Variants in VAT1L observed in about 807,000 individuals in gnomAD.
The protein encoded by VAT1L is vesicle amine transport 1 like, also known as putative NADPH-dependent quinone oxidoreductase VAT1L.
In VAT1L, 34 loss-of-function variants were observed where a neutral mutation model predicts 44.1. The observed-to-expected ratio is 0.77, with a 90% confidence interval of 0.59 to 1.03. VAT1L has a LOEUF of 1.03. Ranked by LOEUF, VAT1L falls within the 50% of genes least tolerant of loss-of-function variation. The pLI, the probability that VAT1L is intolerant of heterozygous loss-of-function variation, is 0.00. For missense variants in VAT1L, 615 were observed against 538.8 expected, an observed-to-expected ratio of 1.14 and a Z score of -1.40; for synonymous variants, 253 against 202.2, an observed-to-expected ratio of 1.25 and a Z score of -2.13.
intron 7 of VAT1L, among the ~76,000 whole-genome samples, chr16:77,956,114 A>G (rs2018100915): frequency 6.6e-6 from 1 of 152,194 alleles, no homozygotes; most frequent in Non-Finnish European, 1.5e-5. Flanking sequence ...ATAATGCCTG[A>G]GGGGATGGAT....
intron 7 of VAT1L, among the ~76,000 whole-genome samples, chr16:77,931,401 T>G (rs1271647818): frequency 6.6e-6 from 1 of 152,128 alleles, no homozygotes; most frequent in Non-Finnish European, 1.5e-5. Flanking sequence ...GCAGCCTACA[T>G]AGAAATAACT....
intron 7 of VAT1L, among the ~76,000 whole-genome samples, chr16:77,928,890 C>T (rs1257361378): frequency 6.6e-6 from 1 of 152,064 alleles, no homozygotes; most frequent in African/African-American, 2.4e-5. Flanking sequence ...AATCTCAGCT[C>T]ACTGCAACCT....
At position 77,879,668 on chromosome 16, in the gene VAT1L, C is replaced by T. The variant is rs1041945314; in HGVS notation, c.882+444C>T. On this transcript the variant is annotated intron_variant, in intron 6 of 8. Coordinates refer to ENST00000302536, the MANE Select transcript of VAT1L (RefSeq NM_020927.3). This position sits in a 1 kb window ranked among gnomAD's most constrained non-coding sequence, Gnocchi z 4.1. ...TTTCCCATAAAACCTGCACTCCTGCCCTATTCCCTGCAAATGGTCAGGACC... is the reference window on the plus strand; with the variant it reads ...TTTCCCATAAAACCTGCACTCCTGCTCTATTCCCTGCAAATGGTCAGGACC... Among the ~76,000 whole-genome samples, 2 of 152,170 alleles carry T rather than the reference C, an allele frequency of 1.3e-5. No homozygotes were observed. The highest frequency in any genetic ancestry group is 2.9e-5 in the Non-Finnish European group (2 of 68,042).
chr16:77,809,888 A>G (rs1306484473), intron 1 of VAT1L, among the ~76,000 whole-genome samples: 1 of 152,252 alleles, frequency 6.6e-6, no homozygotes, highest in Non-Finnish European at 1.5e-5. Context: ...CTTAGTAACC[A>G]GGAACGGGGC....
chr16:77,830,130 C>T (rs1028390427), intron 3 of VAT1L, among the ~76,000 whole-genome samples: 2 of 152,032 alleles, frequency 1.3e-5, no homozygotes, highest in South Asian at 4.2e-4. Context: ...CAGCACTCTG[C>T]CCTCCAGCCA....
chr16:77,879,873 T>C lies in VAT1L; in HGVS notation c.882+649T>C, dbSNP rs2017131201. On this transcript the variant is annotated intron_variant, in intron 6 of 8. Transcript: ENST00000302536. This position sits in a 1 kb window ranked among gnomAD's most constrained non-coding sequence, Gnocchi z 4.1. ...CTCCATAGAGCGGCCAGCCTTTCAC[T>C]TTGCTACTTTCTGACCAGGTCTCTG... Among the ~76,000 whole-genome samples, 1 of 152,210 alleles carries C rather than the reference T, an allele frequency of 6.6e-6. No individual in the cohort carries two copies.
intron 8 of VAT1L, among the ~76,000 whole-genome samples, chr16:77,973,375 C>A (rs540573451): frequency 6.6e-6 from 1 of 152,070 alleles, no homozygotes. Context: ...ACCTCCGCCT[C>A]CCGGGTTCAA....
intron 7 of VAT1L, among the ~76,000 whole-genome samples, chr16:77,915,369 A>C (rs897316195): frequency 3.3e-5 from 5 of 152,250 alleles, no homozygotes; most frequent in African/African-American, 4.8e-5. Flanking sequence ...GTCAGTTATT[A>C]AACATTTATC....
chr16:77,791,573 A>G (rs1480142193), intron 1 of VAT1L, among the ~76,000 whole-genome samples: 3 of 152,196 alleles, frequency 2.0e-5, no homozygotes, highest in African/African-American at 7.2e-5. Flanking sequence ...TAGGATTTGA[A>G]TCTAATTCTC....
At chr16:77,975,845 C>G (rs2018334607) in intron 8 of VAT1L, among the ~76,000 whole-genome samples, 1 of 152,218 alleles carries the variant, frequency 6.6e-6, no homozygotes, top group Admixed American at 6.5e-5. Flanking sequence ...GGCCATCTGA[C>G]CAGTGCCCCA....
intron 7 of VAT1L, among the ~76,000 whole-genome samples, chr16:77,950,342 G>C (rs1235598869): frequency 6.6e-6 from 1 of 151,212 alleles, no homozygotes; most frequent in Non-Finnish European, 1.5e-5. Context: ...CTGCAAGGCA[G>C]AGGTTGCAGT....
chr16:77,822,825 A>T (rs1333521207), intron 2 of VAT1L, among the ~76,000 whole-genome samples: 1 of 152,114 alleles, frequency 6.6e-6, no homozygotes, highest in Non-Finnish European at 1.5e-5. Flanking sequence ...GCCCCAGAAG[A>T]CACACTGGGG....
At chr16:77,796,318 C>T (rs2015933271) in intron 1 of VAT1L, among the ~76,000 whole-genome samples, 1 of 152,186 alleles carries the variant, frequency 6.6e-6, no homozygotes, top group Non-Finnish European at 1.5e-5. Flanking sequence ...ACCCACCCTA[C>T]CATCCATCTG....
chr16:77,976,046 A>G (rs1157967141), intron 8 of VAT1L, among the ~76,000 whole-genome samples: 1 of 152,222 alleles, frequency 6.6e-6, no homozygotes, highest in Non-Finnish European at 1.5e-5. Context: ...GCCAATTGGC[A>G]TATTGGTGAC....
At chr16:77,878,828 T>C (rs2017117233) in intron 5 of VAT1L, among the ~76,000 whole-genome samples, 1 of 152,044 alleles carries the variant, frequency 6.6e-6, no homozygotes, top group Non-Finnish European at 1.5e-5. Context: ...CACTAAGGAG[T>C]TCCTTTCTCA....
chr16:77,933,357 A>C (rs1158500129), intron 7 of VAT1L, among the ~76,000 whole-genome samples: 2 of 152,212 alleles, frequency 1.3e-5, no homozygotes. Flanking sequence ...TTTACCTTAA[A>C]CAGTTGTTGT....
chr16:77,942,918 T>C lies in VAT1L; in HGVS notation c.1078-28932T>C, dbSNP rs909478111. Among the ~76,000 whole-genome samples the C allele has an allele frequency of 2.0e-5, 3 of 151,300 alleles. No homozygotes were observed. The South Asian group carries it at 6.3e-4, about 32-fold the overall frequency. On this transcript the variant is annotated intron_variant, in intron 7 of 8. Coordinates refer to ENST00000302536, the MANE Select transcript of VAT1L (RefSeq NM_020927.3). ...CACCATCACACCCGGCTAATTTTTG[T>C]ACTTTTAGTAGAGACAGAGTTTCAT...
chr16:77,894,435 G>A (rs2142470008), intron 7 of VAT1L, among the ~76,000 whole-genome samples: 1 of 152,284 alleles, frequency 6.6e-6, no homozygotes, highest in African/African-American at 2.4e-5. Context: ...CAGGCCAACA[G>A]CCAGCACAAG....
chr16:77,889,178 A>T (rs999969263), intron 7 of VAT1L, among the ~76,000 whole-genome samples: 1 of 152,214 alleles, frequency 6.6e-6, no homozygotes, highest in Non-Finnish European at 1.5e-5. Flanking sequence ...TCTATGGAAT[A>T]TAAAGCCCAC....
Sources: gnomAD v4.1 joint callset for allele counts (sites outside exome capture counted in the v4.1 genomes callset) on GRCh38, gnomAD v4.1.1 for gene constraint, Gnocchi (gnomAD v3.1) non-coding constraint, MANE v1.5 for transcripts, NCBI Gene and HGNC (gene_info 2026-07-23, HGNC 2026-07-21) for gene names.